The following TDP1 variants were observed in gnomAD, a reference collection of about 807,000 sequenced individuals.
TDP1 encodes tyr-DNA phosphodiesterase 1.
In TDP1, 64 loss-of-function variants were observed where a neutral mutation model predicts 81.5. The observed-to-expected ratio is 0.79, with a 90% confidence interval of 0.64 to 0.97. The LOEUF (loss-of-function observed/expected upper bound fraction) is 0.97. Ranked by LOEUF, TDP1 falls within the 50% of genes least tolerant of loss-of-function variation. The probability of loss-of-function intolerance (pLI) is 0.00; values close to 1 mark genes in which losing one functional copy is unlikely to be tolerated. For missense variants in TDP1, 723 were observed against 743.8 expected (o/e 0.97, Z 0.33); for synonymous variants, 256 against 264.3 (o/e 0.97, Z 0.30).
rs1888657872 is a variant in TDP1 at position 90,044,739 on chromosome 14, T to C, written c.*1596T>C. ...TGTATTTTTGTGTGTTCTGCTTTTT[T>C]TAAATAAACTTGAAAAGCTACTGAA... is the stretch of plus-strand genomic sequence containing the variant. On this transcript the variant is annotated 3_prime_UTR_variant, in exon 17 of 17. Coordinates refer to ENST00000335725, the MANE Select transcript of TDP1 (RefSeq NM_018319.4). 1 of 152,242 alleles carries C rather than the reference T, an allele frequency of 6.6e-6. No homozygotes were observed. Among genetic ancestry groups the C allele is most frequent in the African/African-American group, 2.4e-5 (1 of 41,462 alleles). The allele number at this position is 152,242 out of a possible 1,614,324, so 9.4% of individuals were successfully genotyped here.
chr14:89,996,780 G>T (rs925373936), intron 14 of TDP1, among the ~76,000 whole-genome samples: 9 of 152,228 alleles, frequency 5.9e-5, no homozygotes, highest in African/African-American at 2.2e-4. Context: ...GGAGAGAATT[G>T]ACCTGCATTA....
At chr14:90,020,509 GTCCCTCCC>G (rs1359231929) in intron 15 of TDP1, among the ~76,000 whole-genome samples, 1 of 7,686 alleles carries the variant, frequency 1.3e-4, no homozygotes, top group East Asian at 4.2e-3. Context: ...CCTCCCTTCC[GTCCCTCCC>G]TCCCTCCCTC....
chr14:90,025,845 A>T (rs1042964877), intron 15 of TDP1, among the ~76,000 whole-genome samples: 1 of 152,198 alleles, frequency 6.6e-6, no homozygotes, highest in Non-Finnish European at 1.5e-5. Flanking sequence ...TTTGGTGTTT[A>T]TTGAGCACAT....
intron 6 of TDP1, among the ~76,000 whole-genome samples, chr14:89,974,264 A>G (rs1303754755): frequency 6.6e-6 from 1 of 152,226 alleles, no homozygotes; most frequent in Non-Finnish European, 1.5e-5. Context: ...TGAAGCTATT[A>G]TCCTTGTTTT....
intron 12 of TDP1, chr14:89,991,464 C>G: frequency 1.4e-6 from 1 of 728,724 alleles, no homozygotes; most frequent in Non-Finnish European, 1.7e-6. Flanking sequence ...CTTTTATTCT[C>G]GACACAGAAG....
intron 3 of TDP1, among the ~76,000 whole-genome samples, chr14:89,964,662 T>G (rs1176532374): frequency 2.0e-5 from 3 of 152,210 alleles, no homozygotes; most frequent in Admixed American, 1.3e-4. Context: ...TTCTACAGGT[T>G]GTTTTCTTTT....
Position 89,963,582 on chromosome 14 carries a change from C to T in TDP1, c.468C>T (p.Asp156=). ...CAGGGGAGGGCCAGGACATTTGGGA[C>T]ATGCTGGATAAAGGGAACCCCTTCC... ...ETSGEGQDIW[D]MLDKGNPFQF... is the part of the protein sequence containing the mutation. Residue 156 remains aspartate, a synonymous_variant, in exon 3 of 17, where the codon GAC becomes GAT. Transcript: ENST00000335725. 3.1e-6 allele frequency: 5 copies of T among 1,613,928 alleles called. No individual in the cohort carries two copies. The highest frequency in any genetic ancestry group is 4.2e-6 in the Non-Finnish European group (5 of 1,179,896).
At chr14:90,037,693 C>G (rs1408582614) in intron 16 of TDP1, among the ~76,000 whole-genome samples, 3 of 152,150 alleles carry the variant, frequency 2.0e-5, no homozygotes, top group Non-Finnish European at 4.4e-5. Context: ...CCTTTTATCC[C>G]TAAATACTTT....
intron 11 of TDP1, chr14:89,989,458 A>G (rs1205267201): frequency 2.0e-6 from 2 of 978,050 alleles, no homozygotes; most frequent in Admixed American, 6.2e-5. Flanking sequence ...TGAATTAATA[A>G]TTAATTTTCC....
Position 90,044,468 on chromosome 14 carries a change from T to C in TDP1, c.*1325T>C, listed in dbSNP as rs147755936. On this transcript the variant is annotated 3_prime_UTR_variant, in exon 17 of 17. Transcript: ENST00000335725. ...GTTTGTCATCAACCTCTTTATCTTA[T>C]AATTTAGGATAGAGTTGAACGTTAG... 7 of 152,298 alleles carry C rather than the reference T, an allele frequency of 4.6e-5. No homozygotes were observed. The East Asian group carries it at 1.4e-3, about 29-fold the overall frequency. The allele number at this position is 152,298 out of a possible 1,614,324, so 9.4% of individuals were successfully genotyped here.
chr14:89,989,515 G>A, intron 11 of TDP1: 2 of 830,556 alleles, frequency 2.4e-6, no homozygotes, highest in Non-Finnish European at 2.9e-6. Flanking sequence ...TCCAATTGAA[G>A]TATAATTTTA....
chr14:89,971,330 C>T (rs948836905), intron 6 of TDP1, 59 bp downstream of exon 6: 1 of 1,250,014 alleles, frequency 8.0e-7, no homozygotes, highest in South Asian at 1.2e-5. Context: ...GAAACTTAGA[C>T]ATTTAGTCCA....
intron 14 of TDP1, among the ~76,000 whole-genome samples, chr14:90,017,590 T>A (rs969171940): frequency 1.3e-5 from 2 of 152,168 alleles, no homozygotes; most frequent in African/African-American, 4.8e-5. Context: ...GGGGAAAGAA[T>A]GAGAACAGCC....
At chr14:90,042,148 T>A (rs1014575017) in intron 16 of TDP1, among the ~76,000 whole-genome samples, 7 of 152,230 alleles carry the variant, frequency 4.6e-5, no homozygotes, top group Non-Finnish European at 8.8e-5. Flanking sequence ...ACAGAGGCCT[T>A]CATGTTTCAT....
In TDP1 at chr14:89,968,579, G is replaced by A. The variant is rs146791486; in HGVS notation, c.659+1157G>A. On this transcript the variant is annotated intron_variant, in intron 5 of 16. Transcript: ENST00000335725. ...AGCTGCATGCTAACCAGCTGTAAAAGAGGCTAGAAATGTCTTTTAGCTTAG... is the reference window on the plus strand; with the variant it reads ...AGCTGCATGCTAACCAGCTGTAAAAAAGGCTAGAAATGTCTTTTAGCTTAG... 1.4e-3 allele frequency among the ~76,000 whole-genome samples: 212 copies of A among 152,286 alleles called. 1 individual carries two copies. Among genetic ancestry groups the A allele is most frequent in the Non-Finnish European group, 2.3e-3 (153 of 67,974 alleles).
intron 15 of TDP1, 101 bp downstream of exon 15, chr14:90,019,519 A>AAACAGTC (rs1194447074): frequency 2.7e-6 from 2 of 739,062 alleles, no homozygotes; most frequent in Non-Finnish European, 4.9e-6. Context: ...GGTAGGCAGG[A>AAACAGTC]AACAGTCGGG....
At chr14:89,961,523 C>T (rs536272363) in intron 2 of TDP1, among the ~76,000 whole-genome samples, 1 of 152,266 alleles carries the variant, frequency 6.6e-6, no homozygotes, top group Non-Finnish European at 1.5e-5. Flanking sequence ...GGCCTTAGGT[C>T]TTGTTTATGA....
At chr14:90,012,784 G>C (rs1179088301) in intron 14 of TDP1, among the ~76,000 whole-genome samples, 1 of 152,106 alleles carries the variant, frequency 6.6e-6, no homozygotes, top group East Asian at 2.0e-4. Flanking sequence ...CTTGCATGGT[G>C]GGCCTGGAAA....
chr14:90,040,319 A>T (rs574515541), intron 16 of TDP1, among the ~76,000 whole-genome samples: 1 of 152,248 alleles, frequency 6.6e-6, no homozygotes, highest in South Asian at 2.1e-4. Context: ...TTGAATCCCA[A>T]ACTCTGACTA....
Sources: gnomAD v4.1 joint callset for allele counts (sites outside exome capture counted in the v4.1 genomes callset) on GRCh38, gnomAD v4.1.1 for gene constraint, MANE v1.5 for transcripts, NCBI Gene and HGNC (gene_info 2026-07-23, HGNC 2026-07-21) for gene names.